WDPCP: variants seen among roughly 807,000 people sequenced by gnomAD.
The protein encoded by WDPCP is WD repeat-containing and planar cell polarity effector protein fritz homolog.
In WDPCP, 71 loss-of-function variants were observed where a neutral mutation model predicts 93.1. That is an observed-to-expected ratio of 0.76 (90% CI 0.63 to 0.93). WDPCP has a LOEUF of 0.93. WDPCP is among the 40% of genes least tolerant of loss of function. The probability of loss-of-function intolerance (pLI) is 0.00; values close to 1 mark genes in which losing one functional copy is unlikely to be tolerated. For missense variants in WDPCP, 844 were observed against 887.4 expected, an observed-to-expected ratio of 0.95 and a Z score of 0.62; for synonymous variants, 315 against 315.0, an observed-to-expected ratio of 1.00 and a Z score of 0.00.
intron 2 of WDPCP, among the ~76,000 whole-genome samples, chr2:63,740,821 T>C (rs1210500521): frequency 6.6e-6 from 1 of 152,158 alleles, no homozygotes; most frequent in East Asian, 1.9e-4. Context: ...CTGCTCCTAG[T>C]TCCTACAGCC....
At chr2:63,702,418 T>TA (rs1475396131) in intron 2 of WDPCP, among the ~76,000 whole-genome samples, 8 of 152,212 alleles carry the variant, frequency 5.3e-5, no homozygotes, top group Non-Finnish European at 1.0e-4. Context: ...ACCTAGTATA[T>TA]ATCAATAAAA....
chr2:63,457,597 T>C (rs983454338), intron 6 of WDPCP, among the ~76,000 whole-genome samples: 5 of 152,156 alleles, frequency 3.3e-5, no homozygotes, highest in Non-Finnish European at 7.3e-5. Flanking sequence ...CATCAAATGA[T>C]AATATATCAT....
Position 63,492,846 on chromosome 2 carries a change from G to T in WDPCP, c.160+10C>A. ...TGAAAAATATTGAAATTAATCCAGA[G>T]CTCATTTACCCGCAATGTGTAAGGT... On this transcript the variant is annotated intron_variant, in intron 2 of 17. Coordinates refer to ENST00000272321, the MANE Select transcript of WDPCP (RefSeq NM_015910.7). The T allele has an allele frequency of 6.2e-7, 1 of 1,612,198 alleles. No individual in the cohort carries two copies. Among genetic ancestry groups the T allele is most frequent in the Non-Finnish European group, 8.5e-7 (1 of 1,178,632 alleles).
At chr2:63,570,800 T>G (rs760873589) in intron 1 of WDPCP, among the ~76,000 whole-genome samples, 5 of 152,246 alleles carry the variant, frequency 3.3e-5, no homozygotes, top group Non-Finnish European at 5.9e-5. Flanking sequence ...TTTCATTTTC[T>G]GAGGTGGTAT....
intron 13 of WDPCP, among the ~76,000 whole-genome samples, chr2:63,284,469 CA>C (rs1207586778): frequency 1.3e-5 from 2 of 152,156 alleles, no homozygotes; most frequent in Non-Finnish European, 2.9e-5. Flanking sequence ...TGAGAACTTG[CA>C]CATTTTCTTT....
intron 2 of WDPCP, among the ~76,000 whole-genome samples, chr2:63,716,145 C>T (rs1402965318): frequency 6.6e-6 from 1 of 152,184 alleles, no homozygotes; most frequent in Non-Finnish European, 1.5e-5. Flanking sequence ...AGCTGGTGGA[C>T]TTGATGAGCT....
intron 6 of WDPCP, among the ~76,000 whole-genome samples, chr2:63,468,528 CATG>C (rs1558675586): frequency 1.3e-5 from 2 of 152,172 alleles, no homozygotes; most frequent in African/African-American, 4.8e-5. Context: ...TTCTAAGTAA[CATG>C]ATATGTTAGT....
At chr2:63,396,492 G>C (rs904046169) in intron 10 of WDPCP, among the ~76,000 whole-genome samples, 1 of 152,086 alleles carries the variant, frequency 6.6e-6, no homozygotes, top group Non-Finnish European at 1.5e-5. Context: ...CACTCTATGA[G>C]GGCATTGTGG....
At chr2:63,700,838 C>A (rs1489995737) in intron 2 of WDPCP, among the ~76,000 whole-genome samples, 1 of 151,900 alleles carries the variant, frequency 6.6e-6, no homozygotes, top group African/African-American at 2.4e-5. Flanking sequence ...TGAAACTAGA[C>A]CTCTATCTCT....
chr2:63,131,722 C>G (rs559034338), intron 17 of WDPCP, among the ~76,000 whole-genome samples: 1 of 152,006 alleles, frequency 6.6e-6, no homozygotes, highest in South Asian at 2.1e-4. Context: ...TTGAAGGACC[C>G]TCTTTAGCAT....
chr2:63,164,927 A>G, intron 15 of WDPCP, among the ~76,000 whole-genome samples: 1 of 152,164 alleles, frequency 6.6e-6, no homozygotes, highest in Non-Finnish European at 1.5e-5. Context: ...GTATTAAAAT[A>G]CCTACTTAAC....
intron 1 of WDPCP, among the ~76,000 whole-genome samples, chr2:63,531,400 C>G (rs1703834449): frequency 6.6e-6 from 1 of 152,198 alleles, no homozygotes; most frequent in Non-Finnish European, 1.5e-5. Context: ...CAAATGGGTC[C>G]CTGACCCCTG....
chr2:63,260,987 T>C (rs969641031), intron 13 of WDPCP, among the ~76,000 whole-genome samples: 2 of 152,212 alleles, frequency 1.3e-5, no homozygotes, highest in Non-Finnish European at 2.9e-5. Context: ...TCACTGCTAT[T>C]GAATGCTGAG....
At chr2:63,310,833 T>A (rs950347139) in intron 13 of WDPCP, among the ~76,000 whole-genome samples, 1 of 152,106 alleles carries the variant, frequency 6.6e-6, no homozygotes, top group Middle Eastern at 3.2e-3. Context: ...CATTCCAACC[T>A]AAGTGAAAAA....
intron 3 of WDPCP, among the ~76,000 whole-genome samples, chr2:63,605,062 C>T (rs1439101394): frequency 6.6e-6 from 1 of 152,138 alleles, no homozygotes; most frequent in Non-Finnish European, 1.5e-5. Context: ...ATACCAAGAT[C>T]CATGTCTTTG....
chr2:63,570,084 A>G (rs12105140), intron 1 of WDPCP, among the ~76,000 whole-genome samples: 123,557 of 152,110 alleles, frequency 0.81, 50,994 homozygotes, highest in East Asian at 0.98. Flanking sequence ...CTGAGACTAA[A>G]ATCACAACTG....
At chr2:63,795,573 GAC>G (rs1670603091) in intron 2 of WDPCP, among the ~76,000 whole-genome samples, 1 of 150,850 alleles carries the variant, frequency 6.6e-6, no homozygotes, top group African/African-American at 2.4e-5. Context: ...AAGAAAGAAA[GAC>G]AGACAGAAAG....
At chr2:63,785,138 C>T (rs775864709) in intron 2 of WDPCP, among the ~76,000 whole-genome samples, 1 of 152,116 alleles carries the variant, frequency 6.6e-6, no homozygotes, top group African/African-American at 2.4e-5. Flanking sequence ...TTGGTTTTTT[C>T]CCTCAACCAC....
intron 2 of WDPCP, among the ~76,000 whole-genome samples, chr2:63,720,415 T>TCA (rs1167952657): frequency 6.9e-6 from 1 of 145,222 alleles, no homozygotes; most frequent in African/African-American, 2.5e-5. Context: ...AGACTCTACC[T>TCA]TAAAAAAAAA....
Sources: allele counts gnomAD v4.1 joint callset (sites outside exome capture counted in the v4.1 genomes callset), GRCh38; gene constraint gnomAD v4.1.1; transcripts MANE v1.5; gene names NCBI Gene and HGNC (gene_info 2026-07-23, HGNC 2026-07-21).